The following GALNT14 variants were observed in gnomAD, a reference collection of about 807,000 sequenced individuals.
The protein encoded by GALNT14 is polypeptide N-acetylgalactosaminyltransferase 14, also known as UDP-GalNAc:polypeptide N-acetylgalactosaminyltransferase 14.
GALNT14 carries 60 observed loss-of-function variants against 77.5 expected under a neutral mutation model. The ratio of observed to expected loss-of-function variants is 0.77; its 90% CI spans 0.63 to 0.96. GALNT14 has a LOEUF of 0.96. Among genes scored for constraint, GALNT14 ranks in the 40% least tolerant of loss-of-function variants. The pLI is 0.00. For missense variants in GALNT14, 710 were observed against 731.0 expected (o/e 0.97, Z 0.33); for synonymous variants, 280 against 281.7 (o/e 0.99, Z 0.06).
intron 4 of GALNT14, among the ~76,000 whole-genome samples, chr2:30,957,350 G>C (rs1203960225): frequency 6.6e-6 from 1 of 152,110 alleles, no homozygotes; most frequent in Non-Finnish European, 1.5e-5. Flanking sequence ...TACAGGTCTA[G>C]GATTTGAACC....
chr2:30,900,881 G>C, the GALNT14 span, among the ~76,000 whole-genome samples: 1 of 152,150 alleles, frequency 6.6e-6, no homozygotes, highest in Non-Finnish European at 1.5e-5. Flanking sequence ...GCCAGAAATG[G>C]GGCCCTACTA....
chr2:31,018,748 A>G (rs1671537578), intron 1 of GALNT14, among the ~76,000 whole-genome samples: 1 of 152,152 alleles, frequency 6.6e-6, no homozygotes, highest in African/African-American at 2.4e-5. Context: ...TGGTGAGGAA[A>G]TTTGTGCAGG....
chr2:30,924,935 T>A, intron 11 of GALNT14, 112 bp from the exon 12 acceptor site: 1 of 745,964 alleles, frequency 1.3e-6, no homozygotes, highest in Non-Finnish European at 2.3e-6. Flanking sequence ...ATGCCCATGC[T>A]CTGTGCTCAC....
chr2:31,015,380 A>AC (rs1671289789), intron 1 of GALNT14, among the ~76,000 whole-genome samples: 1 of 151,038 alleles, frequency 6.6e-6, no homozygotes, highest in Non-Finnish European at 1.5e-5. Context: ...TCTGCAGGGC[A>AC]CCCCAAATCC....
chr2:30,958,307 C>T, intron 4 of GALNT14, 90 bp downstream of exon 4: 1 of 1,139,182 alleles, frequency 8.8e-7, no homozygotes, highest in Non-Finnish European at 1.3e-6. Context: ...TTCCCCATTC[C>T]CAGAAAACCA....
At chr2:31,134,551 C>A (rs1679140508) in intron 1 of GALNT14, among the ~76,000 whole-genome samples, 1 of 152,234 alleles carries the variant, frequency 6.6e-6, no homozygotes, top group Non-Finnish European at 1.5e-5. Flanking sequence ...AACGCCTCTG[C>A]AACCACCCAA....
At chr2:31,120,877 CTT>C (rs1678377856) in intron 1 of GALNT14, among the ~76,000 whole-genome samples, 1 of 152,198 alleles carries the variant, frequency 6.6e-6, no homozygotes, top group Non-Finnish European at 1.5e-5. Flanking sequence ...TTTGAATCCT[CTT>C]TGTTTTAAAC....
chr2:31,083,407 G>A (rs1862976), intron 1 of GALNT14, among the ~76,000 whole-genome samples: 77,351 of 152,032 alleles, frequency 0.51, 20,162 homozygotes, highest in African/African-American at 0.6. Context: ...GTAGTGAATC[G>A]ATAATCATTA....
chr2:31,098,219 TA>T (rs1275654159), intron 1 of GALNT14, among the ~76,000 whole-genome samples: 1 of 152,166 alleles, frequency 6.6e-6, no homozygotes, highest in Non-Finnish European at 1.5e-5. Context: ...TAATAAAGGT[TA>T]GTGATTCAAG....
chr2:31,036,905 TC>T (rs1204906613), intron 1 of GALNT14, among the ~76,000 whole-genome samples: 2 of 152,230 alleles, frequency 1.3e-5, no homozygotes, highest in East Asian at 3.8e-4. Flanking sequence ...TCTTTTCTCT[TC>T]CTGCTTTCAA....
chr2:31,004,129 C>T (rs939440216), intron 1 of GALNT14, among the ~76,000 whole-genome samples: 1 of 152,222 alleles, frequency 6.6e-6, no homozygotes, highest in Non-Finnish European at 1.5e-5. Context: ...CGCTTTATTT[C>T]TGCATCCCCT....
At chr2:31,134,369 A>G (rs1292362831) in intron 1 of GALNT14, among the ~76,000 whole-genome samples, 1 of 152,224 alleles carries the variant, frequency 6.6e-6, no homozygotes, top group African/African-American at 2.4e-5. Flanking sequence ...AACCTCTCCA[A>G]GGCTTCAGCA....
rs1306105556 is a variant in GALNT14 at position 30,912,309 on chromosome 2, G to A, written c.1414C>T (p.Gln472Ter). ...WAFTYTQQIL[Q>*]EELCLSVITL... ...ATGACTGACAGGCACAGCTCCTCCT[G>A]GAGGATCTGCTGGGTGTATGTGAAG... The change falls in exon 14 of 15, where the codon CAG becomes TAG. Residue 472 changes from glutamine to a stop codon, truncating the protein, a stop_gained. Coordinates refer to ENST00000349752, the MANE Select transcript of GALNT14 (RefSeq NM_024572.4). LOFTEE classifies it high-confidence loss of function. The A allele has an allele frequency of 6.2e-7, 1 of 1,614,010 alleles. No individual in the cohort carries two copies. Among genetic ancestry groups the A allele is most frequent in the African/African-American group, 1.3e-5 (1 of 74,914 alleles).
chr2:31,128,690 G>C (rs1350916126), intron 1 of GALNT14, among the ~76,000 whole-genome samples: 1 of 152,186 alleles, frequency 6.6e-6, no homozygotes, highest in Non-Finnish European at 1.5e-5. Flanking sequence ...GCCAGAGTCA[G>C]AACCTGATGT....
chr2:30,975,024 T>C (rs1435504220), intron 2 of GALNT14, among the ~76,000 whole-genome samples: 1 of 152,070 alleles, frequency 6.6e-6, no homozygotes, highest in Non-Finnish European at 1.5e-5. Flanking sequence ...AAGGCCAAGG[T>C]CAGTGATACA....
chr2:31,043,491 A>G lies in GALNT14; in HGVS notation c.130-50484T>C, dbSNP rs1673228702. On this transcript the variant is annotated intron_variant, in intron 1 of 14. Transcript: ENST00000349752. ...GAAGAAGAAACAGTGTAGACAAACA[A>G]GAGGGGAAAATCCACAGCTCAAGGA... Among the ~76,000 whole-genome samples, 2 of 152,174 alleles carry G rather than the reference A, an allele frequency of 1.3e-5. 1 individual carries two copies. Among genetic ancestry groups the G allele is most frequent in the South Asian group, 4.1e-4 (2 of 4,834 alleles).
intron 2 of GALNT14, among the ~76,000 whole-genome samples, chr2:30,968,483 G>A (rs1668142751): frequency 6.6e-6 from 1 of 152,230 alleles, no homozygotes; most frequent in Admixed American, 6.5e-5. Context: ...GAAGCCAGCT[G>A]CCATGCTGTG....
At chr2:30,924,895 A>G (rs1222338330) in intron 11 of GALNT14, 72 bp from the exon 12 acceptor site, 10 of 1,261,626 alleles carry the variant, frequency 7.9e-6, no homozygotes, top group Non-Finnish European at 1.1e-5. Context: ...CAGCAACGCC[A>G]GTCCAGACTG....
intron 1 of GALNT14, among the ~76,000 whole-genome samples, chr2:31,102,107 G>A (rs189746534): frequency 2.0e-5 from 3 of 152,182 alleles, no homozygotes; most frequent in Admixed American, 6.5e-5. Flanking sequence ...GCATGAAAAT[G>A]GACTAATACA....
Sources: gnomAD v4.1 joint callset for allele counts (sites outside exome capture counted in the v4.1 genomes callset) on GRCh38, gnomAD v4.1.1 for gene constraint, MANE v1.5 for transcripts, NCBI Gene and HGNC (gene_info 2026-07-23, HGNC 2026-07-21) for gene names.